Variants in ADAMTS3 observed in about 807,000 individuals in gnomAD.
The protein encoded by ADAMTS3 is A disintegrin and metalloproteinase with thrombospondin motifs 3.
ADAMTS3 carries 73 observed loss-of-function variants against 129.0 expected under a neutral mutation model. The ratio of observed to expected loss-of-function variants is 0.57; its 90% confidence interval spans 0.47 to 0.69. The LOEUF (loss-of-function observed/expected upper bound fraction) is 0.69, where lower values mean the gene tolerates loss of function less well. Among genes scored for constraint, ADAMTS3 ranks in the 30% least tolerant of loss-of-function variants. The probability of loss-of-function intolerance (pLI) is 0.00; values close to 1 mark genes in which losing one functional copy is unlikely to be tolerated. For synonymous variants in ADAMTS3, 477 were observed against 510.8 expected (o/e 0.93, Z 0.89); for missense variants, 1,457 against 1,514.5 (o/e 0.96, Z 0.63).
chr4:72,522,832 C>T (rs1326620931), intron 3 of ADAMTS3, among the ~76,000 whole-genome samples: 1 of 152,078 alleles, frequency 6.6e-6, no homozygotes, highest in African/African-American at 2.4e-5. Context: ...AATGCATTAA[C>T]TTCAGACAGT....
At chr4:72,450,758 AC>A (rs1415240376) in intron 3 of ADAMTS3, among the ~76,000 whole-genome samples, 1 of 151,596 alleles carries the variant, frequency 6.6e-6, no homozygotes, top group African/African-American at 2.4e-5. Context: ...GCCTTGTGCC[AC>A]CCCGAGCATC....
At chr4:72,288,678 C>T (rs1578552711) in intron 21 of ADAMTS3, 73 bp downstream of exon 21, 2 of 951,130 alleles carry the variant, frequency 2.1e-6, no homozygotes, top group African/African-American at 1.6e-5. Context: ...TCTATAACTT[C>T]TCTCAAAAGG....
intron 4 of ADAMTS3, among the ~76,000 whole-genome samples, chr4:72,371,843 T>A (rs939225400): frequency 6.6e-6 from 1 of 151,956 alleles, no homozygotes; most frequent in African/African-American, 2.4e-5. Flanking sequence ...TCATAGAACA[T>A]TGGTTTATTG....
chr4:72,527,737 T>A (rs891526393), intron 3 of ADAMTS3, among the ~76,000 whole-genome samples: 1 of 152,136 alleles, frequency 6.6e-6, no homozygotes, highest in Non-Finnish European at 1.5e-5. Context: ...AGAACCCTCC[T>A]GACATTCCAT....
chr4:72,568,605 G>A, intron 1 of ADAMTS3, 89 bp downstream of exon 1: 1 of 963,850 alleles, frequency 1.0e-6, no homozygotes, highest in Non-Finnish European at 1.6e-6. Flanking sequence ...GGAGGAGAAG[G>A]AGGAAAGAGA....
chr4:72,443,102 G>A (rs1037527698), intron 3 of ADAMTS3, among the ~76,000 whole-genome samples: 3 of 151,506 alleles, frequency 2.0e-5, no homozygotes, highest in Admixed American at 6.6e-5. Context: ...CCTTCTTGGC[G>A]ACTGAAACAT....
At chr4:72,386,186 TA>T (rs1455180569) in intron 4 of ADAMTS3, among the ~76,000 whole-genome samples, 1 of 152,196 alleles carries the variant, frequency 6.6e-6, no homozygotes, top group Non-Finnish European at 1.5e-5. Flanking sequence ...AATGTCTCGG[TA>T]CCAACTGAAT....
chr4:72,307,493 C>T (rs746491532), intron 15 of ADAMTS3, among the ~76,000 whole-genome samples: 13 of 152,038 alleles, frequency 8.6e-5, no homozygotes, highest in African/African-American at 1.7e-4. Context: ...CGCCTCTTGT[C>T]TTCCCTTAAA....
chr4:72,487,936 A>G (rs1719634326), intron 3 of ADAMTS3, among the ~76,000 whole-genome samples: 2 of 152,078 alleles, frequency 1.3e-5, no homozygotes, highest in Non-Finnish European at 2.9e-5. Context: ...AAGAGAAAAA[A>G]TAGCCCTTTT....
chr4:72,515,687 G>A (rs993100417), intron 3 of ADAMTS3, among the ~76,000 whole-genome samples: 1 of 151,908 alleles, frequency 6.6e-6, no homozygotes, highest in African/African-American at 2.4e-5. Flanking sequence ...GGGGTTGTTT[G>A]TTTGTTTCTT....
chr4:72,455,999 T>TTATATA (rs1239919922), intron 3 of ADAMTS3, among the ~76,000 whole-genome samples: 1 of 35,578 alleles, frequency 2.8e-5, no homozygotes, highest in African/African-American at 1.0e-4. Flanking sequence ...TATATATATT[T>TTATATA]TACATATAGT....
At position 72,568,244 on chromosome 4, in the gene ADAMTS3, A is replaced by G. The variant is rs533785601; in HGVS notation, c.69+450T>C. On this transcript the variant is annotated intron_variant, in intron 1 of 21. Transcript: ENST00000286657. Reference sequence around the variant, plus strand: ...CCCCCGCCTCCGGCTGCCCGAAAAAACCGTGAGTCAGTTCGGAGGAGAGAA... The same window carrying G: ...CCCCCGCCTCCGGCTGCCCGAAAAAGCCGTGAGTCAGTTCGGAGGAGAGAA... Among the ~76,000 whole-genome samples, 162 of 152,010 alleles carry G rather than the reference A, an allele frequency of 1.1e-3. 1 individual carries two copies. The highest frequency in any genetic ancestry group is 3.4e-3 in the Middle Eastern group (1 of 294).
Position 72,399,871 on chromosome 4 carries a change from T to TAC in ADAMTS3, c.661+14943_661+14944insGT, listed in dbSNP as rs1461951351. Among the ~76,000 whole-genome samples the TAC allele has an allele frequency of 3.6e-3, 362 of 100,830 alleles. 64 individuals are homozygous for TAC. The highest frequency in any genetic ancestry group is 9.7e-3 in the Admixed American group (101 of 10,362). 66.1% of individuals were successfully genotyped at this position (100,830 alleles called of 152,430 possible). A position where few individuals can be genotyped will look rare whatever the true frequency, so the allele number is the denominator to read the frequency against. On this transcript the variant is annotated intron_variant, in intron 4 of 21. Transcript: ENST00000286657. ...CACGGTGTGTATATACGTGTGTATA[T>TAC]ATACACACACGGTGTGTATATACGT...
intron 2 of ADAMTS3, 36 bp from the exon 3 acceptor site, chr4:72,548,920 CAAT>C: frequency 6.4e-7 from 1 of 1,571,664 alleles, no homozygotes. Flanking sequence ...AAACCCTGTA[CAAT>C]AAGAGAACAC....
chr4:72,440,968 G>A (rs886817534), intron 3 of ADAMTS3, among the ~76,000 whole-genome samples: 2 of 151,596 alleles, frequency 1.3e-5, no homozygotes, highest in African/African-American at 4.8e-5. Context: ...TCAATACAAT[G>A]AGTATTCACA....
chr4:72,421,453 T>C (rs1316981342), intron 3 of ADAMTS3, among the ~76,000 whole-genome samples: 1 of 152,156 alleles, frequency 6.6e-6, no homozygotes, highest in South Asian at 2.1e-4. Flanking sequence ...AAGAAATCAA[T>C]GTAAGTTATG....
chr4:72,300,989 G>A (rs1718936278), intron 17 of ADAMTS3, among the ~76,000 whole-genome samples: 1 of 152,104 alleles, frequency 6.6e-6, no homozygotes, highest in Non-Finnish European at 1.5e-5. Context: ...CAGTTAAGTG[G>A]TGTCCAGATA....
chr4:72,434,389 C>T (rs564579823), intron 3 of ADAMTS3, among the ~76,000 whole-genome samples: 1,698 of 25,454 alleles, frequency 0.067, 27 homozygotes, highest in African/African-American at 0.12. Context: ...GACATGAACT[C>T]GTGTCTTTTA....
chr4:72,311,704 C>G (rs967890188), intron 13 of ADAMTS3, among the ~76,000 whole-genome samples: 1 of 152,166 alleles, frequency 6.6e-6, no homozygotes, highest in South Asian at 2.1e-4. Context: ...GAACTGAACC[C>G]AGTGGTGCAT....
Sources: allele counts gnomAD v4.1 joint callset (sites outside exome capture counted in the v4.1 genomes callset), GRCh38; gene constraint gnomAD v4.1.1; transcripts MANE v1.5; gene names NCBI Gene and HGNC (gene_info 2026-07-23, HGNC 2026-07-21).